The following DRC11 variants were observed in gnomAD, a reference collection of about 807,000 sequenced individuals.
DRC11 encodes IQ and AAA domain-containing protein 1.
chr2:236,322,337 C>G, the DRC11 span, among the ~76,000 whole-genome samples: 4 of 150,982 alleles, frequency 2.6e-5, no homozygotes, highest in South Asian at 6.3e-4. Flanking sequence ...CGGGTTCACG[C>G]CATTCTCCTG....
At chr2:236,341,155 G>A in the DRC11 span, among the ~76,000 whole-genome samples, 2 of 152,196 alleles carry the variant, frequency 1.3e-5, no homozygotes, top group Non-Finnish European at 2.9e-5. Flanking sequence ...CAATACAACC[G>A]CCACAGCCAG....
the DRC11 span, among the ~76,000 whole-genome samples, chr2:236,364,205 G>A: frequency 3.8e-4 from 21 of 54,832 alleles, no homozygotes; most frequent in African/African-American, 1.6e-3. Context: ...GGTCTCTGCG[G>A]GTCCTTAATA....
chr2:236,410,682 T>TG, the DRC11 span, among the ~76,000 whole-genome samples: 3,025 of 150,960 alleles, frequency 0.02, 134 homozygotes, highest in Admixed American at 0.064. Context: ...AGCATGGTAC[T>TG]GGTACCAAAA....
the DRC11 span, chr2:236,503,721 T>C: frequency 6.5e-5 from 101 of 1,547,482 alleles, no homozygotes; most frequent in Middle Eastern, 1.7e-4. This position sits in a 1 kb window ranked among gnomAD's most constrained non-coding sequence, Gnocchi z 4.9. Flanking sequence ...TCCCCAGCTG[T>C]CCTGATGCCT....
At chr2:236,495,680 G>A in the DRC11 span, among the ~76,000 whole-genome samples, 1 of 152,188 alleles carries the variant, frequency 6.6e-6, no homozygotes, top group Non-Finnish European at 1.5e-5. The surrounding 1 kb of genome is among the most constrained non-coding windows in gnomAD (Gnocchi z 5.6). Context: ...CCAGCTGGGT[G>A]TTTGTCAGTA....
chr2:236,470,765 C>T, the DRC11 span, among the ~76,000 whole-genome samples: 1 of 152,086 alleles, frequency 6.6e-6, no homozygotes, highest in African/African-American at 2.4e-5. The surrounding 1 kb of genome is among the most constrained non-coding windows in gnomAD (Gnocchi z 5.1). Context: ...TTGCTTTTGC[C>T]CTCTGCTCAG....
the DRC11 span, among the ~76,000 whole-genome samples, chr2:236,317,661 A>T: frequency 2.0e-5 from 3 of 152,198 alleles, no homozygotes; most frequent in Non-Finnish European, 4.4e-5. The surrounding 1 kb of genome is among the most constrained non-coding windows in gnomAD (Gnocchi z 5.4). Flanking sequence ...TCATAATTCA[A>T]CAAAAGCATA....
At chr2:236,463,696 T>C in the DRC11 span, among the ~76,000 whole-genome samples, 4 of 152,220 alleles carry the variant, frequency 2.6e-5, no homozygotes, top group African/African-American at 9.6e-5. The surrounding 1 kb of genome is among the most constrained non-coding windows in gnomAD (Gnocchi z 5.0). Context: ...AAGTAATTGA[T>C]ATGTATTAGA....
At chr2:236,381,542 G>T in the DRC11 span, among the ~76,000 whole-genome samples, 1 of 152,132 alleles carries the variant, frequency 6.6e-6, no homozygotes, top group Non-Finnish European at 1.5e-5. The surrounding 1 kb of genome is among the most constrained non-coding windows in gnomAD (Gnocchi z 5.8). Context: ...TAAGAACGTT[G>T]TTATAGCAGT....
At chr2:236,502,954 C>CAA in the DRC11 span, among the ~76,000 whole-genome samples, 1 of 149,730 alleles carries the variant, frequency 6.7e-6, no homozygotes, top group African/African-American at 2.5e-5. Flanking sequence ...GACTCCATCT[C>CAA]AAAAAAAAGA....
the DRC11 span, among the ~76,000 whole-genome samples, chr2:236,479,118 C>T: frequency 1.3e-5 from 2 of 152,324 alleles, no homozygotes; most frequent in East Asian, 3.9e-4. This position sits in a 1 kb window ranked among gnomAD's most constrained non-coding sequence, Gnocchi z 4.1. Context: ...AGCCACTGCA[C>T]CTGGCCAGTT....
At chr2:236,497,446 C>T in the DRC11 span, 2 of 1,613,350 alleles carry the variant, frequency 1.2e-6, no homozygotes, top group South Asian at 2.2e-5. The surrounding 1 kb of genome is among the most constrained non-coding windows in gnomAD (Gnocchi z 5.1). Context: ...GAGTAAAGCA[C>T]CGAGGGCTTC....
At chr2:236,481,565 G>A in the DRC11 span, among the ~76,000 whole-genome samples, 1 of 152,104 alleles carries the variant, frequency 6.6e-6, no homozygotes, top group Admixed American at 6.5e-5. Flanking sequence ...GTTGGGGGGA[G>A]TGAAGCCAGG....
chr2:236,389,629 C>G, the DRC11 span, among the ~76,000 whole-genome samples: 4 of 152,206 alleles, frequency 2.6e-5, no homozygotes, highest in African/African-American at 9.6e-5. Flanking sequence ...TCTTCTGCGT[C>G]GCTCACACTG....
At chr2:236,435,260 TTTC>T in the DRC11 span, among the ~76,000 whole-genome samples, 1 of 152,254 alleles carries the variant, frequency 6.6e-6, no homozygotes, top group African/African-American at 2.4e-5. Context: ...ATCAGGCTGT[TTTC>T]TTCTTTGTCA....
At chr2:236,491,704 T>C in the DRC11 span, among the ~76,000 whole-genome samples, 3 of 152,000 alleles carry the variant, frequency 2.0e-5, no homozygotes, top group African/African-American at 4.8e-5. Context: ...AGCACAGACA[T>C]AGGAGCCCAG....
At chr2:236,372,732 G>C in the DRC11 span, among the ~76,000 whole-genome samples, 26,125 of 152,048 alleles carry the variant, frequency 0.17, 2,633 homozygotes, top group Non-Finnish European at 0.23. The surrounding 1 kb of genome is among the most constrained non-coding windows in gnomAD (Gnocchi z 4.5). Context: ...GCCTCAGCCT[G>C]CTAAGTAGCT....
chr2:236,324,878 G>T, the DRC11 span: 2 of 874,394 alleles, frequency 2.3e-6, no homozygotes, highest in Non-Finnish European at 3.6e-6. The surrounding 1 kb of genome is among the most constrained non-coding windows in gnomAD (Gnocchi z 5.7). Flanking sequence ...GCAGGAAGGG[G>T]CAAGCAGCCA....
chr2:236,487,271 A>G, the DRC11 span, among the ~76,000 whole-genome samples: 16 of 152,338 alleles, frequency 1.1e-4, no homozygotes, highest in African/African-American at 3.6e-4. Flanking sequence ...GTACAACTCA[A>G]GCTTTTAACT....
Sources: allele counts gnomAD v4.1 joint callset (sites outside exome capture counted in the v4.1 genomes callset), GRCh38; gene constraint gnomAD v4.1.1; non-coding constraint Gnocchi (gnomAD v3.1); transcripts MANE v1.5; gene names NCBI Gene and HGNC (gene_info 2026-07-23, HGNC 2026-07-21).